Variants in SCHIP1 observed in about 807,000 individuals in gnomAD.
SCHIP1 encodes schwannomin interacting protein 1.
In SCHIP1, 8 loss-of-function variants were observed where a neutral mutation model predicts 29.7. That is an observed-to-expected ratio of 0.27 (90% CI 0.16 to 0.49). The LOEUF (loss-of-function observed/expected upper bound fraction) is 0.49. Ranked by LOEUF, SCHIP1 falls within the 20% of genes least tolerant of loss-of-function variation. The pLI, the probability that SCHIP1 is intolerant of heterozygous loss-of-function variation, is 0.99. For missense variants in SCHIP1, 193 were observed against 294.6 expected (o/e 0.66, Z 2.52); for synonymous variants, 76 against 94.9 (o/e 0.80, Z 1.16).
the SCHIP1 span, among the ~76,000 whole-genome samples, chr3:159,591,068 CTT>C: frequency 2.6e-4 from 40 of 152,284 alleles, no homozygotes; most frequent in African/African-American, 8.7e-4. Context: ...GGTTTCTGCT[CTT>C]GTTTGTTAGA....
chr3:159,285,116 A>G, the SCHIP1 span, among the ~76,000 whole-genome samples: 1 of 152,172 alleles, frequency 6.6e-6, no homozygotes, highest in Non-Finnish European at 1.5e-5. Flanking sequence ...GATGGCCTTT[A>G]CAATTTTTAC....
chr3:159,385,571 CAAACAAAA>C, the SCHIP1 span, among the ~76,000 whole-genome samples: 1 of 37,688 alleles, frequency 2.7e-5, no homozygotes, highest in African/African-American at 9.3e-5. Flanking sequence ...AACAAACAAA[CAAACAAAA>C]AAAAAAAAAC....
the SCHIP1 span, among the ~76,000 whole-genome samples, chr3:159,601,578 G>C: frequency 6.6e-6 from 1 of 152,220 alleles, no homozygotes. Flanking sequence ...CACAGAGGCT[G>C]CTCTGCCAGT....
chr3:159,710,540 A>G, the SCHIP1 span, among the ~76,000 whole-genome samples: 27,433 of 152,158 alleles, frequency 0.18, 2,814 homozygotes, highest in African/African-American at 0.27. Context: ...TGGATTTTAA[A>G]TGTGCTTACC....
At chr3:159,746,244 C>G in the SCHIP1 span, among the ~76,000 whole-genome samples, 3 of 152,342 alleles carry the variant, frequency 2.0e-5, no homozygotes, top group Middle Eastern at 0.01. Flanking sequence ...CTACCTCATC[C>G]TATCATTGTC....
chr3:159,787,950 A>G, the SCHIP1 span, among the ~76,000 whole-genome samples: 3 of 152,192 alleles, frequency 2.0e-5, no homozygotes, highest in African/African-American at 4.8e-5. Context: ...AGGTTTATGT[A>G]GGGGAATGAT....
chr3:159,570,512 T>C, the SCHIP1 span, among the ~76,000 whole-genome samples: 1 of 152,322 alleles, frequency 6.6e-6, no homozygotes, highest in Admixed American at 6.5e-5. Flanking sequence ...ATATATCTGT[T>C]TTGGTACCAG....
chr3:159,360,258 T>C, the SCHIP1 span, among the ~76,000 whole-genome samples: 10 of 152,350 alleles, frequency 6.6e-5, no homozygotes, highest in East Asian at 1.9e-3. Context: ...ATGGGGAATG[T>C]CATTTTTAAA....
the SCHIP1 span, among the ~76,000 whole-genome samples, chr3:159,759,807 G>C: frequency 6.6e-6 from 1 of 152,166 alleles, no homozygotes; most frequent in African/African-American, 2.4e-5. Flanking sequence ...CACGACTTAA[G>C]GTTCAGCATC....
chr3:159,595,567 A>G, the SCHIP1 span, among the ~76,000 whole-genome samples: 1 of 152,214 alleles, frequency 6.6e-6, no homozygotes, highest in Non-Finnish European at 1.5e-5. Flanking sequence ...CAATGGTCAG[A>G]GTTCCACCAT....
At chr3:159,722,030 CT>C in the SCHIP1 span, 3 of 367,862 alleles carry the variant, frequency 8.2e-6, no homozygotes, top group South Asian at 7.6e-5. Context: ...TCTCAACGTA[CT>C]TTATTATGTC....
chr3:159,327,131 T>A, the SCHIP1 span, among the ~76,000 whole-genome samples: 1 of 152,236 alleles, frequency 6.6e-6, no homozygotes, highest in Non-Finnish European at 1.5e-5. Flanking sequence ...TAGAAGCTGT[T>A]AACTGCTAGA....
chr3:159,732,975 G>T, the SCHIP1 span, among the ~76,000 whole-genome samples: 2 of 152,228 alleles, frequency 1.3e-5, no homozygotes, highest in Non-Finnish European at 1.5e-5. Context: ...AGAGCAGGAG[G>T]TGGGGGTGCA....
the SCHIP1 span, among the ~76,000 whole-genome samples, chr3:159,474,608 A>G: frequency 6.6e-6 from 1 of 152,162 alleles, no homozygotes; most frequent in African/African-American, 2.4e-5. Flanking sequence ...AACAGAAAAT[A>G]TAGATAGGGA....
chr3:159,424,468 A>T, the SCHIP1 span, among the ~76,000 whole-genome samples: 1 of 152,222 alleles, frequency 6.6e-6, no homozygotes, highest in Non-Finnish European at 1.5e-5. Context: ...AATGAAATGA[A>T]GTGAGAAGGG....
chr3:159,530,185 T>C, the SCHIP1 span, among the ~76,000 whole-genome samples: 1 of 152,176 alleles, frequency 6.6e-6, no homozygotes, highest in African/African-American at 2.4e-5. Flanking sequence ...CTGTTTTCCA[T>C]AGTGGCTCTT....
At chr3:159,831,955 G>T in the SCHIP1 span, among the ~76,000 whole-genome samples, 18 of 152,208 alleles carry the variant, frequency 1.2e-4, no homozygotes, top group African/African-American at 4.1e-4. Flanking sequence ...TTTCACCTGT[G>T]TCTTATAAGC....
the SCHIP1 span, among the ~76,000 whole-genome samples, chr3:159,483,190 C>T: frequency 5.3e-5 from 8 of 152,064 alleles, no homozygotes; most frequent in Non-Finnish European, 5.9e-5. Flanking sequence ...TATGGGCACT[C>T]AAATTGCTCT....
the SCHIP1 span, among the ~76,000 whole-genome samples, chr3:159,714,354 G>A: frequency 6.6e-6 from 1 of 152,222 alleles, no homozygotes; most frequent in Non-Finnish European, 1.5e-5. Context: ...ATTTCCAACT[G>A]AGGTACCGGG....
Sources: gnomAD v4.1 joint callset for allele counts (sites outside exome capture counted in the v4.1 genomes callset) on GRCh38, gnomAD v4.1.1 for gene constraint, MANE v1.5 for transcripts, NCBI Gene and HGNC (gene_info 2026-07-23, HGNC 2026-07-21) for gene names.